The following TASP1 variants were observed in gnomAD, a reference collection of about 807,000 sequenced individuals.
TASP1 encodes threonine aspartase 1.
A neutral mutation model predicts 56.6 loss-of-function variants in TASP1; 16 were observed. That is an observed-to-expected ratio of 0.28 (90% CI 0.19 to 0.43). The LOEUF is 0.43. Ranked by LOEUF, TASP1 falls within the 20% of genes least tolerant of loss-of-function variation. TASP1 has a pLI of 1.00. For missense variants in TASP1, 393 were observed against 511.6 expected, an observed-to-expected ratio of 0.77 and a Z score of 2.24; for synonymous variants, 179 against 184.2, an observed-to-expected ratio of 0.97 and a Z score of 0.23.
At chr20:13,345,651 A>G in the TASP1 span, among the ~76,000 whole-genome samples, 1 of 152,204 alleles carries the variant, frequency 6.6e-6, no homozygotes, top group Non-Finnish European at 1.5e-5. Flanking sequence ...GGTACCCTGT[A>G]GAACAGAGCC....
Position 13,393,730 on chromosome 20 carries a change from C to G in TASP1, c.1171-3278G>C, listed in dbSNP as rs1018964717. On this transcript the variant is annotated intron_variant, in intron 13 of 13. Transcript: ENST00000337743. ...ATGAAAGGAAGAGAGAGGCCCTCAG[C>G]TGCTGGGAGTCCCTGCCCACACTCA... 11 of 810,212 alleles carry G rather than the reference C, an allele frequency of 1.4e-5. No homozygotes were observed. In the African/African-American group the frequency reaches 1.9e-4, roughly 14 times the overall value. The allele number at this position is 810,212 out of a possible 1,614,324, so 50.2% of individuals were successfully genotyped here.
chr20:13,386,456 T>TAA (rs2041163532), downstream of TASP1, among the ~76,000 whole-genome samples: 1 of 145,528 alleles, frequency 6.9e-6, no homozygotes, highest in Admixed American at 6.6e-5. Context: ...TTTTTCCTAA[T>TAA]AAGCAGACTA....
chr20:13,370,272 A>G, the TASP1 span, among the ~76,000 whole-genome samples: 1 of 152,170 alleles, frequency 6.6e-6, no homozygotes, highest in Non-Finnish European at 1.5e-5. Context: ...AGAGTTGAAA[A>G]CACAATAACC....
At chr20:13,601,372 T>C (rs1466632577) in intron 4 of TASP1, among the ~76,000 whole-genome samples, 1 of 151,550 alleles carries the variant, frequency 6.6e-6, no homozygotes, top group Non-Finnish European at 1.5e-5. Context: ...GATGGGGATA[T>C]ATCAAAGGGC....
chr20:13,111,672 C>A, the TASP1 span, among the ~76,000 whole-genome samples: 1 of 152,140 alleles, frequency 6.6e-6, no homozygotes, highest in Non-Finnish European at 1.5e-5. Context: ...GGGAGGGGAG[C>A]AAATAGCCCT....
At chr20:13,452,411 AT>A (rs201319685) in intron 11 of TASP1, among the ~76,000 whole-genome samples, 1 of 147,436 alleles carries the variant, frequency 6.8e-6, no homozygotes, top group Admixed American at 6.6e-5. Context: ...ATACACATAC[AT>A]TAAAAAAAAA....
intron 10 of TASP1, among the ~76,000 whole-genome samples, chr20:13,524,237 T>A (rs558098321): frequency 3.3e-5 from 5 of 152,116 alleles, no homozygotes; most frequent in Admixed American, 2.0e-4. Context: ...ATAAACTTAA[T>A]CTCTTGCTTT....
the TASP1 span, among the ~76,000 whole-genome samples, chr20:13,362,543 C>T: frequency 6.8e-6 from 1 of 147,750 alleles, no homozygotes; most frequent in African/African-American, 2.6e-5. Flanking sequence ...TTTCCTTTAC[C>T]TACCCAAATC....
chr20:13,490,277 T>G (rs1225032528), intron 10 of TASP1, among the ~76,000 whole-genome samples: 1 of 152,172 alleles, frequency 6.6e-6, no homozygotes, highest in African/African-American at 2.4e-5. Flanking sequence ...TACTTCATAT[T>G]GTCTGAAAAA....
chr20:13,550,546 A>C (rs1371656419), intron 8 of TASP1, among the ~76,000 whole-genome samples: 1 of 152,140 alleles, frequency 6.6e-6, no homozygotes. Flanking sequence ...ATTTTTAAAA[A>C]ATACATAAAG....
chr20:13,112,791 A>C, the TASP1 span, among the ~76,000 whole-genome samples: 1 of 152,204 alleles, frequency 6.6e-6, no homozygotes, highest in Non-Finnish European at 1.5e-5. Context: ...CAATTTCCTC[A>C]TCTGTAAAAT....
the TASP1 span, among the ~76,000 whole-genome samples, chr20:13,116,541 C>T: frequency 1.3e-5 from 2 of 151,922 alleles, no homozygotes; most frequent in East Asian, 1.9e-4. Flanking sequence ...ATTTTTTTCC[C>T]TTTGTGCCGG....
At chr20:13,225,144 C>G in the TASP1 span, among the ~76,000 whole-genome samples, 2 of 152,094 alleles carry the variant, frequency 1.3e-5, no homozygotes, top group South Asian at 4.2e-4. Flanking sequence ...TGAGCCACCG[C>G]GCCCGGCCCA....
the TASP1 span, among the ~76,000 whole-genome samples, chr20:13,306,882 A>G: frequency 6.6e-6 from 1 of 152,200 alleles, no homozygotes; most frequent in East Asian, 1.9e-4. Context: ...TACAGAGGAC[A>G]GAATCTCCTG....
chr20:13,346,238 AC>A, the TASP1 span, among the ~76,000 whole-genome samples: 1 of 152,196 alleles, frequency 6.6e-6, no homozygotes, highest in African/African-American at 2.4e-5. Flanking sequence ...AAAGGCCACT[AC>A]TTTTCTGCTT....
chr20:13,468,863 G>GT (rs1198248534), intron 11 of TASP1, among the ~76,000 whole-genome samples: 1 of 125,686 alleles, frequency 8.0e-6, no homozygotes, highest in Non-Finnish European at 1.8e-5. Flanking sequence ...TTATGTGTGT[G>GT]TGTTTTTTTT....
At chr20:13,386,735 C>T (rs543271574), downstream of TASP1, among the ~76,000 whole-genome samples, 9 of 152,228 alleles carry the variant, frequency 5.9e-5, no homozygotes, top group African/African-American at 1.9e-4. Flanking sequence ...TCCTCATACC[C>T]GTAAACCAAA....
the TASP1 span, among the ~76,000 whole-genome samples, chr20:13,240,589 T>C: frequency 6.6e-6 from 1 of 152,200 alleles, no homozygotes; most frequent in Non-Finnish European, 1.5e-5. Flanking sequence ...AGCAAGGATT[T>C]TGCAGGTCAT....
At chr20:13,148,859 G>C in the TASP1 span, among the ~76,000 whole-genome samples, 1 of 152,202 alleles carries the variant, frequency 6.6e-6, no homozygotes, top group Non-Finnish European at 1.5e-5. Flanking sequence ...GAGAACTATT[G>C]CCCAGCAGAA....
Sources: allele counts gnomAD v4.1 joint callset (sites outside exome capture counted in the v4.1 genomes callset), GRCh38; gene constraint gnomAD v4.1.1; transcripts MANE v1.5; gene names NCBI Gene and HGNC (gene_info 2026-07-23, HGNC 2026-07-21).